Variants in NDUFB4 observed in about 807,000 individuals in gnomAD.
NDUFB4 encodes NADH:ubiquinone oxidoreductase subunit B4.
Under a neutral mutation model 14.5 loss-of-function variants are expected in NDUFB4, and 10 were observed. The observed-to-expected ratio is 0.69, with a 90% CI of 0.43 to 1.17. The LOEUF (loss-of-function observed/expected upper bound fraction) is 1.17, where lower values mean the gene tolerates loss of function less well. Among genes scored for constraint, NDUFB4 ranks in the 50% most tolerant of loss-of-function variants. NDUFB4 has a pLI of 0.00. For missense variants in NDUFB4, 165 were observed against 161.1 expected (o/e 1.02, Z -0.13); for synonymous variants, 65 against 63.4 (o/e 1.03, Z -0.12).
chr3:120,601,541 C>T (rs1576273075), intron 2 of NDUFB4: 2 of 1,251,448 alleles, frequency 1.6e-6, no homozygotes, highest in East Asian at 3.8e-5. Context: ...TAGTACGTTT[C>T]CTGTTTGCGT....
chr3:120,600,898 T>C lies in NDUFB4; in HGVS notation c.181-213T>C, dbSNP rs1940047675. The C allele has an allele frequency of 1.1e-5, 6 of 535,548 alleles. No individual in the cohort carries two copies. The South Asian group carries it at 1.3e-4, about 11-fold the overall frequency. 33.2% of individuals were successfully genotyped at this position (535,548 alleles called of 1,614,324 possible). A position where few individuals can be genotyped will look rare whatever the true frequency, so the allele number is the denominator to read the frequency against. On this transcript the variant is annotated intron_variant, in intron 1 of 2. Transcript: ENST00000184266. ...AAGCTAATTAGTGATATGAGCCTTC[T>C]ACATTCTGAAGGATTTGAACAAGAT...
chr3:120,600,539 T>C (rs183582244), intron 1 of NDUFB4, among the ~76,000 whole-genome samples: 345 of 152,356 alleles, frequency 2.3e-3, no homozygotes, highest in Non-Finnish European at 4.0e-3. Context: ...TCTGAATTAA[T>C]GCTTTTCACA....
chr3:120,600,657 G>C (rs1044003353), intron 1 of NDUFB4, among the ~76,000 whole-genome samples: 3 of 152,082 alleles, frequency 2.0e-5, no homozygotes, highest in African/African-American at 7.2e-5. Flanking sequence ...CATTAGAAAG[G>C]GTCCTGGAAA....
intron 2 of NDUFB4, 57 bp from the exon 3 acceptor site, chr3:120,602,151 A>G (rs914567175): frequency 1.3e-6 from 2 of 1,583,526 alleles, no homozygotes; most frequent in Non-Finnish European, 1.7e-6. Flanking sequence ...TTTTTATCTA[A>G]TATAGCCAAC....
intron 1 of NDUFB4, among the ~76,000 whole-genome samples, chr3:120,598,466 T>C (rs565703418): frequency 1.3e-5 from 2 of 152,228 alleles, no homozygotes; most frequent in East Asian, 3.9e-4. Context: ...CAGGCAAAAA[T>C]TCCTGTCCTT....
intron 1 of NDUFB4, among the ~76,000 whole-genome samples, chr3:120,597,838 T>A (rs1353578762): frequency 1.3e-5 from 2 of 152,100 alleles, no homozygotes; most frequent in Non-Finnish European, 2.9e-5. Context: ...TTGGGTTTGA[T>A]GTGTTAGTGT....
At position 120,602,261 on chromosome 3, in the gene NDUFB4, CTCA is replaced by C; in HGVS notation, c.383_385del (p.Ser128del). ...GAAAATTGGATCGAACATTTCACCT[CTCA>C]TATTAAGTCTGGCAATGATGACTAT... On this transcript the variant is annotated inframe_deletion, in exon 3 of 3. Coordinates refer to ENST00000184266, the MANE Select transcript of NDUFB4 (RefSeq NM_004547.6). 6.2e-7 allele frequency: 1 copy of C among 1,609,782 alleles called. No individual in the cohort carries two copies.
intron 2 of NDUFB4, 45 bp downstream of exon 2, chr3:120,601,302 C>T: frequency 6.2e-7 from 1 of 1,609,354 alleles, no homozygotes; most frequent in Non-Finnish European, 8.5e-7. Context: ...GATAGGTTCA[C>T]TTTCTAGGGA....
At chr3:120,597,127 A>G (rs1939976811) in intron 1 of NDUFB4, among the ~76,000 whole-genome samples, 2 of 150,634 alleles carry the variant, frequency 1.3e-5, no homozygotes, top group South Asian at 4.2e-4. Context: ...CACAGCTCAT[A>G]GGGATACTGC....
intron 1 of NDUFB4, chr3:120,600,899 A>G: frequency 1.9e-6 from 1 of 535,780 alleles, no homozygotes; most frequent in Non-Finnish European, 3.2e-6. Context: ...TGAGCCTTCT[A>G]CATTCTGAAG....
chr3:120,596,536 C>T lies in NDUFB4; in HGVS notation c.177C>T (p.Leu59=). ...ACAACGATCCCAACCGCCGAGGGCT[C>T]ATCGTGAGTGTGGGGCCTCCCAGGC... is the stretch of plus-strand genomic sequence containing the variant. ...LQYNDPNRRG[L]IENPALLRWA... Residue 59 remains leucine (L), a synonymous_variant, in exon 1 of 3, where the codon CTC becomes CTT. Coordinates refer to ENST00000184266, the MANE Select transcript of NDUFB4 (RefSeq NM_004547.6). 1 of 1,613,406 alleles carries T rather than the reference C, an allele frequency of 6.2e-7. No individual in the cohort carries two copies. The highest frequency in any genetic ancestry group is 8.5e-7 in the Non-Finnish European group (1 of 1,179,702).
In NDUFB4 at chr3:120,596,577, G is replaced by A. The variant is rs1439779401; in HGVS notation, c.180+38G>A. 6.2e-6 allele frequency: 10 copies of A among 1,601,114 alleles called. No individual in the cohort carries two copies. The Admixed American group carries it at 1.4e-4, about 22-fold the overall frequency. On this transcript the variant is annotated intron_variant, in intron 1 of 2. Transcript: ENST00000184266. The stretch of plus-strand genomic sequence containing the variant: ...CCTCCCAGGCGGGAATAGGGCCCGA[G>A]TCCTGGGAGAGACCGAGAGAGACCA...
intron 1 of NDUFB4, among the ~76,000 whole-genome samples, chr3:120,598,339 C>T (rs1940002320): frequency 6.6e-6 from 1 of 152,018 alleles, no homozygotes; most frequent in Non-Finnish European, 1.5e-5. Flanking sequence ...CAGACTTGAG[C>T]CACTGTGCCT....
intron 1 of NDUFB4, among the ~76,000 whole-genome samples, chr3:120,597,792 G>A (rs1179003319): frequency 6.6e-6 from 1 of 152,052 alleles, no homozygotes; most frequent in East Asian, 1.9e-4. Flanking sequence ...TTGGGAAGAG[G>A]GTGCAGAGAG....
chr3:120,596,523 A>C lies in NDUFB4; in HGVS notation c.164A>C (p.Asn55Thr), dbSNP rs748164582. 1.2e-6 allele frequency: 2 copies of C among 1,613,464 alleles called. No individual in the cohort carries two copies. The highest frequency in any genetic ancestry group is 4.5e-5 in the East Asian group (2 of 44,856). Reference protein sequence around the residue: ...REYLLQYNDPNRRGLIENPAL... With the variant: ...REYLLQYNDPTRRGLIENPAL... ...TACCTGCTTCAGTACAACGATCCCA[A>C]CCGCCGAGGGCTCATCGTGAGTGTG... Residue 55 changes from asparagine (N) to threonine (T), a missense_variant, in exon 1 of 3, where the codon AAC becomes ACC. Physicochemically the swap from Asn to Thr is moderately conservative, Grantham distance 65. Transcript: ENST00000184266.
chr3:120,601,120 G>C lies in NDUFB4; in HGVS notation c.190G>C (p.Ala64Pro). Residue 64 changes from alanine to proline, a missense_variant, in exon 2 of 3, where the codon GCC becomes CCC. Physicochemically the swap from Ala to Pro is conservative, Grantham distance 27. Transcript: ENST00000184266. ...TTTTCATTAATTTTAGGAAAATCCT[G>C]CCTTGCTTCGTTGGGCCTATGCAAG... ...PNRRGLIENP[A>P]LLRWAYARTI... 1 of 1,607,720 alleles carries C rather than the reference G, an allele frequency of 6.2e-7. No individual in the cohort carries two copies. Among genetic ancestry groups the C allele is most frequent in the Non-Finnish European group, 8.5e-7 (1 of 1,178,590 alleles).
rs749037837 is a variant in NDUFB4, at chr3:120,602,312, C to A, written c.*42C>A. On this transcript the variant is annotated 3_prime_UTR_variant, in exon 3 of 3. Transcript: ENST00000184266. ...TATATGTATTCCTGCCTAAATAAAT[C>A]ATCTATTAATCATTAAGTAGTAGTT... is the stretch of plus-strand genomic sequence containing the variant. The A allele has an allele frequency of 3.2e-5, 48 of 1,506,532 alleles. No homozygotes were observed. The South Asian group carries it at 4.7e-4, about 15-fold the overall frequency. The allele number at this position is 1,506,532 out of a possible 1,614,324, so 93.3% of individuals were successfully genotyped here.
intron 1 of NDUFB4, 138 bp downstream of exon 1, chr3:120,596,677 C>G: frequency 2.1e-6 from 2 of 957,604 alleles, no homozygotes; most frequent in South Asian, 1.6e-5. Flanking sequence ...AACTCACTAC[C>G]CTTTTACCTT....
chr3:120,597,024 T>A (rs370778814), intron 1 of NDUFB4, among the ~76,000 whole-genome samples: 4 of 141,056 alleles, frequency 2.8e-5, no homozygotes, highest in Non-Finnish European at 3.1e-5. Context: ...CATATATATT[T>A]TATATATATG....
Sources: gnomAD v4.1 joint callset for allele counts (sites outside exome capture counted in the v4.1 genomes callset) on GRCh38, gnomAD v4.1.1 for gene constraint, MANE v1.5 for transcripts, NCBI Gene and HGNC (gene_info 2026-07-23, HGNC 2026-07-21) for gene names.